Variants in ATP8B4 observed in about 807,000 individuals in gnomAD.
The protein encoded by ATP8B4 is probable phospholipid-transporting ATPase IM.
Under a neutral mutation model 145.6 loss-of-function variants are expected in ATP8B4, and 133 were observed. That is an observed-to-expected ratio of 0.91 (90% CI 0.79 to 1.05). ATP8B4 has a LOEUF of 1.05. Ranked by LOEUF, ATP8B4 falls within the 50% of genes least tolerant of loss-of-function variation. ATP8B4 has a pLI of 0.00. For synonymous variants in ATP8B4, 507 were observed against 492.9 expected, an observed-to-expected ratio of 1.03 and a Z score of -0.38; for missense variants, 1,458 against 1,425.2, an observed-to-expected ratio of 1.02 and a Z score of -0.37.
chr15:49,870,566 T>C (rs2033532828), intron 25 of ATP8B4, among the ~76,000 whole-genome samples: 1 of 152,238 alleles, frequency 6.6e-6, no homozygotes, highest in Non-Finnish European at 1.5e-5. Flanking sequence ...CATGGGGTTG[T>C]TACCACAATG....
chr15:50,176,606 A>G (rs1230012937), intron 1 of ATP8B4, among the ~76,000 whole-genome samples: 2 of 152,180 alleles, frequency 1.3e-5, no homozygotes, highest in Non-Finnish European at 2.9e-5. Context: ...TGGGATGGAG[A>G]GTATGTGTGT....
intron 9 of ATP8B4, among the ~76,000 whole-genome samples, chr15:49,995,380 TA>T (rs1278583068): frequency 3.9e-5 from 6 of 152,314 alleles, no homozygotes; most frequent in African/African-American, 1.4e-4. Context: ...TGGATTCACA[TA>T]ACAGTAAAAT....
At chr15:49,912,628 C>CA (rs542694826) in intron 20 of ATP8B4, among the ~76,000 whole-genome samples, 1 of 151,850 alleles carries the variant, frequency 6.6e-6, no homozygotes, top group South Asian at 2.1e-4. Flanking sequence ...TTAAGTATAC[C>CA]AAAAAAACTG....
At chr15:50,105,412 C>A (rs1215682304) in intron 2 of ATP8B4, among the ~76,000 whole-genome samples, 1 of 152,060 alleles carries the variant, frequency 6.6e-6, no homozygotes, top group Non-Finnish European at 1.5e-5. Context: ...TCATATCATT[C>A]TTTCAATTCT....
chr15:49,919,511 G>A (rs994275319), intron 18 of ATP8B4, among the ~76,000 whole-genome samples: 2 of 151,998 alleles, frequency 1.3e-5, no homozygotes, highest in Non-Finnish European at 2.9e-5. Flanking sequence ...TCCGCCTCCC[G>A]GGTTCACACC....
chr15:50,123,793 G>A (rs989191802), upstream of ATP8B4, among the ~76,000 whole-genome samples: 1 of 152,064 alleles, frequency 6.6e-6, no homozygotes, highest in African/African-American at 2.4e-5. Context: ...TGAATTCTGA[G>A]CTACTCCACA....
chr15:49,944,212 T>C (rs1171691929), intron 14 of ATP8B4, among the ~76,000 whole-genome samples: 1 of 152,118 alleles, frequency 6.6e-6, no homozygotes, highest in African/African-American at 2.4e-5. Flanking sequence ...GTAAATCCTT[T>C]CCTGTAACAA....
chr15:49,873,177 G>T (rs1432728430), intron 25 of ATP8B4, among the ~76,000 whole-genome samples: 1 of 152,176 alleles, frequency 6.6e-6, no homozygotes, highest in Non-Finnish European at 1.5e-5. Flanking sequence ...AGGGTAATTT[G>T]CACCCTTCAG....
At chr15:49,863,070 C>T (rs1273043544) in intron 26 of ATP8B4, among the ~76,000 whole-genome samples, 2 of 152,192 alleles carry the variant, frequency 1.3e-5, no homozygotes, top group Admixed American at 1.3e-4. Flanking sequence ...GATGCAGGTA[C>T]AATCTCAAGT....
chr15:50,031,007 C>G (rs2050392900), intron 6 of ATP8B4, among the ~76,000 whole-genome samples: 1 of 152,160 alleles, frequency 6.6e-6, no homozygotes, highest in Non-Finnish European at 1.5e-5. Flanking sequence ...AGCTGAGAAC[C>G]AGAAACTGCC....
At chr15:50,139,085 G>T (rs2044172085) in intron 1 of ATP8B4, among the ~76,000 whole-genome samples, 2 of 152,142 alleles carry the variant, frequency 1.3e-5, no homozygotes, top group Admixed American at 6.5e-5. Context: ...TCCCATTGCT[G>T]GGTATATACC....
At chr15:50,111,746 A>C (rs1409485513) in intron 1 of ATP8B4, among the ~76,000 whole-genome samples, 1 of 152,220 alleles carries the variant, frequency 6.6e-6, no homozygotes, top group Admixed American at 6.5e-5. Context: ...ACATAATGAG[A>C]GTGTACATTT....
chr15:49,963,725 A>G (rs1181464022), intron 13 of ATP8B4, among the ~76,000 whole-genome samples: 1 of 152,154 alleles, frequency 6.6e-6, no homozygotes, highest in Non-Finnish European at 1.5e-5. Flanking sequence ...ACATGGACAC[A>G]TGCGGGATAC....
chr15:49,947,150 A>G (rs1057221280), intron 14 of ATP8B4, among the ~76,000 whole-genome samples: 4 of 151,920 alleles, frequency 2.6e-5, no homozygotes, highest in Admixed American at 6.6e-5. Context: ...AACATTGATG[A>G]GGCCGGGTGC....
intron 1 of ATP8B4, among the ~76,000 whole-genome samples, chr15:50,180,732 G>C (rs1470517925): frequency 6.6e-6 from 1 of 152,112 alleles, no homozygotes; most frequent in East Asian, 1.9e-4. Context: ...TTCTCCTCAG[G>C]GATGATGAAG....
chr15:49,965,486 C>CA (rs2044446324), intron 13 of ATP8B4, among the ~76,000 whole-genome samples: 1 of 151,856 alleles, frequency 6.6e-6, no homozygotes, highest in Non-Finnish European at 1.5e-5. Context: ...TCTGTGCTCT[C>CA]AGCAGAAGGA....
At chr15:50,161,727 C>A (rs145808890) in intron 1 of ATP8B4, among the ~76,000 whole-genome samples, 145 of 151,994 alleles carry the variant, frequency 9.5e-4, no homozygotes, top group African/African-American at 3.4e-3. Context: ...GTTTTGAAAT[C>A]TTCTTGTAGT....
chr15:49,990,595 C>G (rs1216670339), intron 9 of ATP8B4, among the ~76,000 whole-genome samples: 2 of 152,068 alleles, frequency 1.3e-5, no homozygotes, highest in Non-Finnish European at 2.9e-5. Context: ...CCTTCTTAAG[C>G]ATTCTAGATT....
At chr15:50,062,698 A>C (rs898544412) in intron 3 of ATP8B4, among the ~76,000 whole-genome samples, 3 of 152,216 alleles carry the variant, frequency 2.0e-5, no homozygotes. Context: ...AAAGATAGGC[A>C]TTAGCACAAA....
Sources: allele counts gnomAD v4.1 joint callset (sites outside exome capture counted in the v4.1 genomes callset), GRCh38; gene constraint gnomAD v4.1.1; transcripts MANE v1.5; gene names NCBI Gene and HGNC (gene_info 2026-07-23, HGNC 2026-07-21).